The following IQSEC3 variants were observed in gnomAD, a reference collection of about 807,000 sequenced individuals.
IQSEC3 encodes IQ motif and Sec7 domain ArfGEF 3.
IQSEC3 carries 50 observed loss-of-function variants against 105.4 expected under a neutral mutation model. That is an observed-to-expected ratio of 0.47 (90% CI 0.38 to 0.60). The LOEUF is 0.60. IQSEC3 is among the 20% of genes least tolerant of loss of function. The pLI, the probability that IQSEC3 is intolerant of heterozygous loss-of-function variation, is 0.00. For synonymous variants in IQSEC3, 708 were observed against 746.0 expected, an observed-to-expected ratio of 0.95 and a Z score of 0.83; for missense variants, 1,415 against 1,630.0, an observed-to-expected ratio of 0.87 and a Z score of 2.27.
intron 5 of IQSEC3, among the ~76,000 whole-genome samples, chr12:151,096 G>A (rs2137029222): frequency 7.2e-6 from 1 of 138,620 alleles, no homozygotes; most frequent in Admixed American, 7.4e-5. Flanking sequence ...CCCCAAGATG[G>A]AGACTCCGTC....
intron 2 of IQSEC3, among the ~76,000 whole-genome samples, chr12:99,921 C>T (rs565651213): frequency 2.6e-4 from 40 of 152,258 alleles, no homozygotes; most frequent in Admixed American, 2.0e-4. Flanking sequence ...TCTGTGCCCA[C>T]GTCGTGCTCC....
Position 144,899 on chromosome 12 carries a change from A to G in IQSEC3, c.2153+3614A>G, listed in dbSNP as rs150157482. On this transcript the variant is annotated intron_variant, in intron 5 of 13. Transcript: ENST00000538872. ...TTGCCTGGAGTGCAGTGGTGCAACC[A>G]TGGCTCACTGCAGCCTTAAATTCCC... Among the ~76,000 whole-genome samples the G allele has an allele frequency of 5.8e-3, 891 of 152,362 alleles. 8 individuals carry two copies. Among genetic ancestry groups the G allele is most frequent in the Middle Eastern group, 0.054 (16 of 294 alleles).
In IQSEC3 at chr12:165,749, C is replaced by T; in HGVS notation, c.2830C>T (p.Leu944=). The T allele has an allele frequency of 6.2e-7, 1 of 1,613,888 alleles. No homozygotes were observed. Among genetic ancestry groups the T allele is most frequent in the African/African-American group, 1.3e-5 (1 of 75,072 alleles). The change falls in exon 11 of 14, where the codon CTG becomes TTG. Residue 944 remains leucine (L), a synonymous_variant. Transcript: ENST00000538872. ...ENEYYSHGIT[L]VTPLSGSEKK... is the part of the protein sequence containing the mutation. ...TCCAGATTACTCTCATGGCATCACA[C>T]TGGTGACCCCGCTCTCGGGCTCCGA... is the stretch of plus-strand genomic sequence containing the variant.
At chr12:141,072 C>T (rs1215305256) in intron 4 of IQSEC3, 52 bp from the exon 5 acceptor site, 5 of 1,540,622 alleles carry the variant, frequency 3.2e-6, no homozygotes, top group South Asian at 2.4e-5. Context: ...AGGAAAGAGT[C>T]ATGGATGGCT....
At chr12:98,837 C>T (rs561786084) in intron 1 of IQSEC3, among the ~76,000 whole-genome samples, 6 of 152,238 alleles carry the variant, frequency 3.9e-5, no homozygotes, top group South Asian at 2.1e-4. Context: ...TACATGCACG[C>T]GAAAGAGCCT....
chr12:86,089 T>A (rs544158557), intron 1 of IQSEC3, among the ~76,000 whole-genome samples: 25 of 152,294 alleles, frequency 1.6e-4, no homozygotes, highest in African/African-American at 6.0e-4. Context: ...AGATATGACA[T>A]GTATATAAAC....
chr12:141,475 A>G, intron 5 of IQSEC3, 190 bp downstream of exon 5: 1 of 586,036 alleles, frequency 1.7e-6, no homozygotes, highest in East Asian at 2.9e-5. Flanking sequence ...CTCCCGTCAG[A>G]GTCATTGATT....
At chr12:107,585 T>C (rs1864710922) in intron 2 of IQSEC3, among the ~76,000 whole-genome samples, 1 of 151,888 alleles carries the variant, frequency 6.6e-6, no homozygotes, top group Non-Finnish European at 1.5e-5. Flanking sequence ...AATTTTTTTG[T>C]ATTTTTAGTA....
At position 99,177 on chromosome 12, in the gene IQSEC3, C is replaced by T; in HGVS notation, c.586C>T (p.Pro196Ser). The change falls in exon 2 of 14, where the codon CCA becomes TCA. Residue 196 changes from proline (P) to serine (S), a missense_variant. By Grantham distance (74) the Pro-to-Ser change is moderately conservative. Coordinates refer to ENST00000538872, the MANE Select transcript of IQSEC3 (RefSeq NM_001170738.2). ...NETVLHQFCC[P>S]AADACSDLAS... Reference sequence around the variant, plus strand: ...GACCGTGCTGCACCAGTTCTGCTGCCCAGCCGCCGACGCCTGCTCCGACCT... The same window carrying T: ...GACCGTGCTGCACCAGTTCTGCTGCTCAGCCGCCGACGCCTGCTCCGACCT... 1 of 1,598,984 alleles carries T rather than the reference C, an allele frequency of 6.3e-7. No homozygotes were observed. The highest frequency in any genetic ancestry group is 8.5e-7 in the Non-Finnish European group (1 of 1,179,744).
chr12:118,755 C>T (rs1203920552), intron 2 of IQSEC3, among the ~76,000 whole-genome samples: 4 of 152,236 alleles, frequency 2.6e-5, no homozygotes, highest in Admixed American at 2.6e-4. Flanking sequence ...TAGGAGAGTG[C>T]CGGGCCTCGG....
intron 13 of IQSEC3, among the ~76,000 whole-genome samples, chr12:174,223 C>T (rs1939151221): frequency 6.6e-6 from 1 of 152,136 alleles, no homozygotes; most frequent in Admixed American, 6.5e-5. Flanking sequence ...TCAGCACACT[C>T]CTGGGAGGGG....
At chr12:74,735 A>G (rs1863453435) in intron 1 of IQSEC3, among the ~76,000 whole-genome samples, 1 of 152,286 alleles carries the variant, frequency 6.6e-6, no homozygotes, top group African/African-American at 2.4e-5. Flanking sequence ...AGGGTCTCCT[A>G]GCCCCATTGG....
intron 2 of IQSEC3, among the ~76,000 whole-genome samples, chr12:123,028 A>G (rs1865268703): frequency 1.3e-5 from 2 of 152,156 alleles, no homozygotes; most frequent in African/African-American, 4.8e-5. Flanking sequence ...CTCCAGGGGA[A>G]GAGATGTCAG....
chr12:135,622 A>G (rs1384225441), intron 3 of IQSEC3, among the ~76,000 whole-genome samples: 1 of 152,242 alleles, frequency 6.6e-6, no homozygotes, highest in Non-Finnish European at 1.5e-5. Context: ...GTTAATAAAA[A>G]GAAACATCAC....
intron 2 of IQSEC3, among the ~76,000 whole-genome samples, chr12:122,404 G>A (rs1018678153): frequency 2.0e-5 from 3 of 152,230 alleles, no homozygotes; most frequent in East Asian, 3.8e-4. Flanking sequence ...GTGTGCGTGA[G>A]TGTGTGTGTA....
Position 169,073 on chromosome 12 carries a change from G to A in IQSEC3, c.3032G>A (p.Gly1011Glu). Residue 1011 changes from glycine to glutamate, a missense_variant, in exon 12 of 14, where the codon GGG (glycine) becomes GAG (glutamate). Coordinates refer to ENST00000538872, the MANE Select transcript of IQSEC3 (RefSeq NM_001170738.2). ...TCCTTCAAGCCCTGCGGAGCCCAGG[G>A]GGACCCACAGTCAAAGCAAGGATCG... ...TLSFKPCGAQ[G>E]DPQSKQGSPT... 3 of 1,614,038 alleles carry A rather than the reference G, an allele frequency of 1.9e-6. No homozygotes were observed. Among genetic ancestry groups the A allele is most frequent in the Middle Eastern group, 1.6e-4 (1 of 6,062 alleles).
At chr12:160,622 G>C (rs1555095903) in intron 7 of IQSEC3, among the ~76,000 whole-genome samples, 1 of 152,112 alleles carries the variant, frequency 6.6e-6, no homozygotes, top group Non-Finnish European at 1.5e-5. Context: ...TCTTCTGCTG[G>C]AGTGAGGAGG....
chr12:139,000 A>G lies in IQSEC3; in HGVS notation c.1637A>G (p.Glu546Gly). The G allele has an allele frequency of 1.3e-6, 2 of 1,526,662 alleles. No individual in the cohort carries two copies. The highest frequency in any genetic ancestry group is 2.4e-5 in the East Asian group (1 of 41,286). The allele number at this position is 1,526,662 out of a possible 1,614,324, so 94.6% of individuals were successfully genotyped here. Residue 546 changes from glutamate (E) to glycine (G), a missense_variant, in exon 4 of 14, where the codon GAG (glutamate) becomes GGG (glycine). By Grantham distance (98) the Glu-to-Gly change is moderately conservative. Transcript: ENST00000538872. The surrounding 1 kb of genome is among the most constrained non-coding windows in gnomAD (Gnocchi z 7.1). ...CCGGAAGCCCCCGCCGTGGGCCGGGAGGACGCGTCAGCCGAGGACTCATGC... is the reference window on the plus strand; with the variant it reads ...CCGGAAGCCCCCGCCGTGGGCCGGGGGGACGCGTCAGCCGAGGACTCATGC... ...EAPEAPAVGR[E>G]DASAEDSCAE...
intron 5 of IQSEC3, among the ~76,000 whole-genome samples, chr12:146,577 T>C (rs1040792465): frequency 1.3e-5 from 2 of 151,934 alleles, no homozygotes; most frequent in Non-Finnish European, 2.9e-5. Context: ...GCCCAGGAGA[T>C]GGAAACTGCA....
Sources: allele counts gnomAD v4.1 joint callset (sites outside exome capture counted in the v4.1 genomes callset), GRCh38; gene constraint gnomAD v4.1.1; non-coding constraint Gnocchi (gnomAD v3.1); transcripts MANE v1.5; gene names NCBI Gene and HGNC (gene_info 2026-07-23, HGNC 2026-07-21).